SERPINF1: variants seen among roughly 807,000 people sequenced by gnomAD.
The protein encoded by SERPINF1 is pigment epithelium-derived factor.
A neutral mutation model predicts 37.3 loss-of-function variants in SERPINF1; 29 were observed. That is an observed-to-expected ratio of 0.78 (90% CI 0.58 to 1.06). The LOEUF is 1.06. Ranked by LOEUF, SERPINF1 falls within the 50% of genes least tolerant of loss-of-function variation. SERPINF1 has a pLI of 0.00. For synonymous variants in SERPINF1, 281 were observed against 227.9 expected, an observed-to-expected ratio of 1.23 and a Z score of -2.10; for missense variants, 553 against 532.2, an observed-to-expected ratio of 1.04 and a Z score of -0.38.
At chr17:1,771,592 G>GGA in intron 4 of SERPINF1, 1 of 502,292 alleles carries the variant, frequency 2.0e-6, no homozygotes, top group Admixed American at 3.2e-5. Flanking sequence ...CTGGTGTGGA[G>GGA]GAAGGGCCCG....
intron 5 of SERPINF1, among the ~76,000 whole-genome samples, chr17:1,772,487 G>A (rs919660067): frequency 6.6e-6 from 1 of 152,184 alleles, no homozygotes; most frequent in Non-Finnish European, 1.5e-5. Context: ...CTGGGCTCAA[G>A]TAATCCTCCC....
At chr17:1,762,512 C>T (rs1195379293) in intron 1 of SERPINF1, among the ~76,000 whole-genome samples, 1 of 152,202 alleles carries the variant, frequency 6.6e-6, no homozygotes, top group Non-Finnish European at 1.5e-5. Context: ...GCTGCTTCCA[C>T]CAAGGGCAGT....
rs181863444 is a variant in SERPINF1 at position 1,771,795 on chromosome 17, C to T, written c.440-77C>T. ...GCCTGCTGAGCGCTAAACCAGAACC[C>T]GAGCCTGGCAGGCTCTCAAAGACGG... On this transcript the variant is annotated intron_variant, in intron 4 of 7. Coordinates refer to ENST00000254722, the MANE Select transcript of SERPINF1 (RefSeq NM_002615.7). The T allele has an allele frequency of 8.6e-4, 1,250 of 1,452,486 alleles. 21 individuals carry two copies. The highest frequency in any genetic ancestry group is 1.1e-4 in the Non-Finnish European group (114 of 1,051,970). 90.0% of individuals were successfully genotyped at this position (1,452,486 alleles called of 1,614,324 possible). A position where few individuals can be genotyped will look rare whatever the true frequency, so the allele number is the denominator to read the frequency against.
intron 1 of SERPINF1, chr17:1,766,176 C>G (rs1276862321): frequency 6.6e-6 from 1 of 152,256 alleles, no homozygotes; most frequent in East Asian, 1.9e-4. Context: ...CAGGACAAAG[C>G]TTTAGCATAC....
chr17:1,765,868 CAAAAAA>C (rs531558071), intron 1 of SERPINF1, among the ~76,000 whole-genome samples: 18 of 112,786 alleles, frequency 1.6e-4, no homozygotes, highest in African/African-American at 3.9e-4. Context: ...TCTTGTCTCC[CAAAAAA>C]AAAAAAAAAA....
chr17:1,764,472 C>T (rs1428275763), intron 1 of SERPINF1, among the ~76,000 whole-genome samples: 1 of 152,228 alleles, frequency 6.6e-6, no homozygotes, highest in Admixed American at 6.5e-5. Context: ...AAGTTTTCTC[C>T]CTGCATGTCA....
chr17:1,771,241 T>C lies in SERPINF1; in HGVS notation c.439+57T>C, dbSNP rs899112035. 3 of 1,451,638 alleles carry C rather than the reference T, an allele frequency of 2.1e-6. No individual in the cohort carries two copies. The African/African-American group carries it at 4.9e-5, about 24-fold the overall frequency. 89.9% of individuals were successfully genotyped at this position (1,451,638 alleles called of 1,614,324 possible). A position where few individuals can be genotyped will look rare whatever the true frequency, so the allele number is the denominator to read the frequency against. ...GGCATGTGGGCTCCATGCTGCAGGC[T>C]GGGGGGGTCTTTTTTTTTTTTTTTT... On this transcript the variant is annotated intron_variant, in intron 4 of 7. Coordinates refer to ENST00000254722, the MANE Select transcript of SERPINF1 (RefSeq NM_002615.7).
chr17:1,772,121 A>G, intron 5 of SERPINF1, 46 bp downstream of exon 5: 1 of 1,570,692 alleles, frequency 6.4e-7, no homozygotes, highest in Non-Finnish European at 8.7e-7. Flanking sequence ...CTGTATTTTA[A>G]CTAATTAATT....
At chr17:1,767,393 C>T (rs755372294) in intron 2 of SERPINF1, among the ~76,000 whole-genome samples, 1 of 152,202 alleles carries the variant, frequency 6.6e-6, no homozygotes, top group Non-Finnish European at 1.5e-5. Context: ...TCTCCTGCCT[C>T]GGCCTCCCAA....
chr17:1,775,006 ACT>A (rs1907938554), intron 5 of SERPINF1, 50 bp from the exon 6 acceptor site: 1 of 1,612,622 alleles, frequency 6.2e-7, no homozygotes, highest in East Asian at 2.2e-5. Context: ...GCATGGCGCC[ACT>A]GTCTTTCTGG....
chr17:1,772,615 G>C (rs1012993171), intron 5 of SERPINF1, among the ~76,000 whole-genome samples: 1 of 149,540 alleles, frequency 6.7e-6, no homozygotes, highest in African/African-American at 2.5e-5. Flanking sequence ...CTGGAGTGCA[G>C]TGGCGCGATC....
At chr17:1,766,866 G>A (rs1907412487) in intron 1 of SERPINF1, 37 bp from the exon 2 acceptor site, 5 of 1,538,266 alleles carry the variant, frequency 3.3e-6, no homozygotes, top group Non-Finnish European at 4.4e-6. Context: ...TGCAGTGTCG[G>A]GGGAGAGCGG....
intron 6 of SERPINF1, among the ~76,000 whole-genome samples, chr17:1,775,647 G>A (rs913096708): frequency 6.6e-6 from 1 of 151,588 alleles, no homozygotes; most frequent in African/African-American, 2.4e-5. Context: ...GGGTTAAAGC[G>A]ATTCTCTTGC....
chr17:1,773,443 G>A (rs993288104), intron 5 of SERPINF1, among the ~76,000 whole-genome samples: 31 of 151,880 alleles, frequency 2.0e-4, no homozygotes, highest in African/African-American at 7.0e-4. Flanking sequence ...ATGGGGTTTC[G>A]CCATGCTGGC....
intron 4 of SERPINF1, 168 bp from the exon 5 acceptor site, chr17:1,771,704 C>A (rs758436736): frequency 1.5e-4 from 102 of 703,066 alleles, no homozygotes; most frequent in Non-Finnish European, 2.3e-4. Flanking sequence ...GCCCCCCTGG[C>A]CAGTGCCTGG....
chr17:1,765,887 AAAT>A (rs199641942), intron 1 of SERPINF1, among the ~76,000 whole-genome samples: 19 of 145,270 alleles, frequency 1.3e-4, no homozygotes, highest in Non-Finnish European at 1.7e-4. Context: ...AAAAAAAAAA[AAAT>A]TTCAAATGTG....
Position 1,771,309 on chromosome 17 carries a change from C to T in SERPINF1, c.439+125C>T, listed in dbSNP as rs371725038. 3.5e-4 allele frequency: 359 copies of T among 1,037,376 alleles called. 5 individuals are homozygous for T. In the East Asian group the frequency reaches 6.0e-3, roughly 17 times the overall value. 64.3% of individuals were successfully genotyped at this position (1,037,376 alleles called of 1,614,324 possible). A position where few individuals can be genotyped will look rare whatever the true frequency, so the allele number is the denominator to read the frequency against. The stretch of plus-strand genomic sequence containing the variant: ...TGTTGCCCAGGCTGGAGTGCAGTGG[C>T]GTGATCTCGGCTCACTGCAACCTCC... On this transcript the variant is annotated intron_variant, in intron 4 of 7. Transcript: ENST00000254722.
chr17:1,766,776 G>A, intron 1 of SERPINF1, 127 bp from the exon 2 acceptor site: 1 of 858,506 alleles, frequency 1.2e-6, no homozygotes, highest in Non-Finnish European at 1.9e-6. Flanking sequence ...GGTGGTCGCT[G>A]CAGGGGGTGG....
At chr17:1,767,588 G>T (rs1907463939) in intron 2 of SERPINF1, among the ~76,000 whole-genome samples, 1 of 152,222 alleles carries the variant, frequency 6.6e-6, no homozygotes, top group Admixed American at 6.5e-5. Flanking sequence ...GGCGCAGCTG[G>T]GTTCCCAAGG....
Sources: gnomAD v4.1 joint callset for allele counts (sites outside exome capture counted in the v4.1 genomes callset) on GRCh38, gnomAD v4.1.1 for gene constraint, MANE v1.5 for transcripts, NCBI Gene and HGNC (gene_info 2026-07-23, HGNC 2026-07-21) for gene names.